HAPLN1: variants seen among roughly 807,000 people sequenced by gnomAD.
HAPLN1 encodes hyaluronan and proteoglycan link protein 1, also known as Cartilage link protein.
Under a neutral mutation model 36.5 loss-of-function variants are expected in HAPLN1, and 13 were observed. The observed-to-expected ratio is 0.36, with a 90% confidence interval of 0.23 to 0.57. The LOEUF (loss-of-function observed/expected upper bound fraction) is 0.57, where lower values mean the gene tolerates loss of function less well. Ranked by LOEUF, HAPLN1 falls within the 20% of genes least tolerant of loss-of-function variation. The pLI is 0.83. For missense variants in HAPLN1, 407 were observed against 439.7 expected (o/e 0.93, Z 0.66); for synonymous variants, 202 against 169.8 (o/e 1.19, Z -1.48).
chr5:83,674,534 C>G (rs969937617), intron 1 of HAPLN1: 1 of 152,188 alleles, frequency 6.6e-6, no homozygotes. Context: ...ACCTTATAAC[C>G]TTTGCAGTAT....
At chr5:83,656,485 C>A (rs1276735364) in intron 2 of HAPLN1, among the ~76,000 whole-genome samples, 4 of 149,736 alleles carry the variant, frequency 2.7e-5, no homozygotes, top group Non-Finnish European at 5.9e-5. Context: ...ATGTAGCATA[C>A]AAGTGTCCAT....
chr5:83,714,946 G>C (rs62362951), intron 1 of HAPLN1, among the ~76,000 whole-genome samples: 1 of 152,244 alleles, frequency 6.6e-6, no homozygotes, highest in Non-Finnish European at 1.5e-5. Flanking sequence ...AGAGAGATCT[G>C]TCTGGCTAAA....
intron 1 of HAPLN1, among the ~76,000 whole-genome samples, chr5:83,685,606 C>A (rs377397174): frequency 2.3e-4 from 35 of 152,298 alleles, no homozygotes; most frequent in African/African-American, 7.9e-4. Context: ...TTCCTGAGGA[C>A]AAGGACCATA....
chr5:83,642,305 C>T (rs1021515997), intron 4 of HAPLN1, among the ~76,000 whole-genome samples: 5 of 152,244 alleles, frequency 3.3e-5, no homozygotes, highest in East Asian at 1.9e-4. Flanking sequence ...TCAAAGACTA[C>T]GTATGAAAAT....
At chr5:83,650,036 A>G (rs1457387798) in intron 3 of HAPLN1, among the ~76,000 whole-genome samples, 1 of 152,248 alleles carries the variant, frequency 6.6e-6, no homozygotes, top group African/African-American at 2.4e-5. Flanking sequence ...CCACGAGCAC[A>G]GGACAGGTCC....
intron 1 of HAPLN1, chr5:83,675,202 GAAC>G (rs1750831673): frequency 6.6e-6 from 1 of 152,114 alleles, no homozygotes; most frequent in South Asian, 2.1e-4. Context: ...TGCTTTGGGT[GAAC>G]AAATATAAAG....
intron 2 of HAPLN1, among the ~76,000 whole-genome samples, chr5:83,664,395 T>A (rs866917897): frequency 6.6e-6 from 1 of 152,174 alleles, no homozygotes; most frequent in Non-Finnish European, 1.5e-5. Flanking sequence ...ACATTTGTTT[T>A]TTTTTGAGCC....
intron 1 of HAPLN1, among the ~76,000 whole-genome samples, chr5:83,684,037 G>A (rs1751064921): frequency 1.3e-5 from 2 of 152,204 alleles, no homozygotes; most frequent in South Asian, 4.2e-4. Flanking sequence ...ACTGAAAAGA[G>A]GCCAAGGAGT....
chr5:83,694,204 A>G (rs1159801701), intron 1 of HAPLN1, among the ~76,000 whole-genome samples: 1 of 152,048 alleles, frequency 6.6e-6, no homozygotes, highest in Non-Finnish European at 1.5e-5. Context: ...CCCAAGGGTC[A>G]GTGAAAAAAT....
chr5:83,682,828 G>A (rs902909386), intron 1 of HAPLN1, among the ~76,000 whole-genome samples: 5 of 151,956 alleles, frequency 3.3e-5, no homozygotes, highest in African/African-American at 1.2e-4. Flanking sequence ...CATCCTAATA[G>A]GTTTTTAAAT....
intron 1 of HAPLN1, among the ~76,000 whole-genome samples, chr5:83,691,807 A>G (rs934335571): frequency 2.6e-5 from 4 of 151,998 alleles, no homozygotes; most frequent in African/African-American, 9.6e-5. Flanking sequence ...CAGAAATTAT[A>G]AAAATGATAG....
chr5:83,661,435 CTTTTTTTTTTTTTTTTTTT>C (rs56005008), intron 2 of HAPLN1, among the ~76,000 whole-genome samples: 2 of 62,956 alleles, frequency 3.2e-5, no homozygotes, highest in Admixed American at 4.8e-4. Context: ...AGAAAAGCTT[CTTTTTTTTTTTTTTTTTTT>C]TTTTTTTTGA....
intron 2 of HAPLN1, among the ~76,000 whole-genome samples, chr5:83,665,205 G>C (rs933829711): frequency 3.9e-5 from 6 of 152,050 alleles, no homozygotes; most frequent in African/African-American, 1.2e-4. Context: ...AAAAAGCCTT[G>C]TATAAAAGTG....
At chr5:83,708,739 A>G (rs1263303855) in intron 1 of HAPLN1, among the ~76,000 whole-genome samples, 1 of 152,252 alleles carries the variant, frequency 6.6e-6, no homozygotes, top group African/African-American at 2.4e-5. Flanking sequence ...AAATTAGAAT[A>G]AGTATTTTAC....
chr5:83,654,622 C>G (rs1750164237), intron 2 of HAPLN1, among the ~76,000 whole-genome samples: 1 of 152,190 alleles, frequency 6.6e-6, no homozygotes, highest in African/African-American at 2.4e-5. Context: ...TGTGTGGGAA[C>G]ACTCCAGGAG....
chr5:83,639,541 T>C lies in HAPLN1; in HGVS notation c.*1955A>G, dbSNP rs769301162. On this transcript the variant is annotated 3_prime_UTR_variant, in exon 5 of 5. Transcript: ENST00000274341. ...CATAATAATAGTTCAAGTATGGACT[T>C]CTTTCAATGAGCTAGCCCCCATATT... is the stretch of plus-strand genomic sequence containing the variant. The C allele has an allele frequency of 2.0e-5, 3 of 152,114 alleles. No homozygotes were observed. Among genetic ancestry groups the C allele is most frequent in the Admixed American group, 6.5e-5 (1 of 15,276 alleles). The allele number at this position is 152,114 out of a possible 1,614,324, so 9.4% of individuals were successfully genotyped here.
At chr5:83,695,563 T>C (rs1751372821) in intron 1 of HAPLN1, among the ~76,000 whole-genome samples, 1 of 148,402 alleles carries the variant, frequency 6.7e-6, no homozygotes, top group South Asian at 2.1e-4. Flanking sequence ...TCTATTGAGA[T>C]GTTTATATAA....
chr5:83,711,095 G>C (rs1333982516), intron 1 of HAPLN1, among the ~76,000 whole-genome samples: 1 of 152,080 alleles, frequency 6.6e-6, no homozygotes, highest in Non-Finnish European at 1.5e-5. Flanking sequence ...TGGGCTCTTC[G>C]AGGTAAAGGA....
chr5:83,661,515 G>A (rs1299271807), intron 2 of HAPLN1, among the ~76,000 whole-genome samples: 2 of 129,142 alleles, frequency 1.5e-5, no homozygotes, highest in Non-Finnish European at 3.1e-5. Flanking sequence ...CGCGATCTCA[G>A]CTCACTGCAA....
Sources: allele counts gnomAD v4.1 joint callset (sites outside exome capture counted in the v4.1 genomes callset), GRCh38; gene constraint gnomAD v4.1.1; transcripts MANE v1.5; gene names NCBI Gene and HGNC (gene_info 2026-07-23, HGNC 2026-07-21).